The following HSF2BP variants were observed in gnomAD, a reference collection of about 807,000 sequenced individuals.
HSF2BP encodes the protein heat shock factor 2-binding protein.
HSF2BP carries 35 observed loss-of-function variants against 35.0 expected under a neutral mutation model. The observed-to-expected ratio is 1.00, with a 90% CI of 0.76 to 1.32. The LOEUF is 1.32. HSF2BP is among the 40% of genes most tolerant of loss of function. The pLI is 0.00. For synonymous variants in HSF2BP, 114 were observed against 117.4 expected, an observed-to-expected ratio of 0.97 and a Z score of 0.18; for missense variants, 326 against 321.7, an observed-to-expected ratio of 1.01 and a Z score of -0.10.
chr21:43,615,330 A>C (rs961623058), intron 6 of HSF2BP, among the ~76,000 whole-genome samples: 9 of 152,224 alleles, frequency 5.9e-5, no homozygotes, highest in Non-Finnish European at 1.5e-5. Flanking sequence ...AGTTTAAAGA[A>C]GTCTTCTTCT....
chr21:43,594,679 G>A (rs896153541), intron 7 of HSF2BP, among the ~76,000 whole-genome samples: 1 of 151,872 alleles, frequency 6.6e-6, no homozygotes, highest in African/African-American at 2.4e-5. Flanking sequence ...GAAAAGAGAA[G>A]AAGGGAGAGA....
chr21:43,644,723 T>C (rs2082686083), intron 3 of HSF2BP, among the ~76,000 whole-genome samples: 1 of 152,238 alleles, frequency 6.6e-6, no homozygotes, highest in Non-Finnish European at 1.5e-5. Context: ...GAAGCCCGAC[T>C]GTCTCATGGC....
At chr21:43,608,856 C>G (rs2082168154) in intron 7 of HSF2BP, among the ~76,000 whole-genome samples, 1 of 112,554 alleles carries the variant, frequency 8.9e-6, no homozygotes. Flanking sequence ...GCCTGTAATC[C>G]CAAGTACTTG....
chr21:43,588,400 T>TAAATAAATAAATA (rs1043016789), intron 8 of HSF2BP, among the ~76,000 whole-genome samples: 6 of 151,844 alleles, frequency 4.0e-5, no homozygotes, highest in African/African-American at 1.5e-4. Flanking sequence ...AATAAATAAA[T>TAAATAAATAAATA]AAGAAGTCAT....
At chr21:43,650,697 G>A (rs1601728918) in intron 3 of HSF2BP, among the ~76,000 whole-genome samples, 1 of 147,062 alleles carries the variant, frequency 6.8e-6, no homozygotes, top group South Asian at 2.1e-4. Context: ...GTGTTTTCAG[G>A]CTTGCTTTTT....
At chr21:43,647,962 A>G (rs2082731854) in intron 3 of HSF2BP, among the ~76,000 whole-genome samples, 1 of 151,652 alleles carries the variant, frequency 6.6e-6, no homozygotes. Flanking sequence ...ACTAAAATCA[A>G]TCTTGCTGAA....
intron 3 of HSF2BP, among the ~76,000 whole-genome samples, chr21:43,644,947 C>T (rs2082689043): frequency 6.6e-6 from 1 of 152,076 alleles, no homozygotes; most frequent in African/African-American, 2.4e-5. Flanking sequence ...TCCTCTCCAC[C>T]GCACTCATTT....
intron 8 of HSF2BP, among the ~76,000 whole-genome samples, chr21:43,579,099 C>G (rs2081685963): frequency 6.6e-6 from 1 of 152,168 alleles, no homozygotes; most frequent in African/African-American, 2.4e-5. Context: ...CTTTTGACAT[C>G]TGAATAGAAA....
At chr21:43,595,159 G>A (rs1276451272) in intron 7 of HSF2BP, among the ~76,000 whole-genome samples, 1 of 152,168 alleles carries the variant, frequency 6.6e-6, no homozygotes, top group Non-Finnish European at 1.5e-5. Context: ...CTACTAGAGA[G>A]GCTGAGGCAG....
chr21:43,585,850 T>C lies in HSF2BP; in HGVS notation c.796+6375A>G, dbSNP rs560159527. 2.0e-5 allele frequency among the ~76,000 whole-genome samples: 3 copies of C among 152,202 alleles called. No homozygotes were observed. The South Asian group carries it at 6.2e-4, about 32-fold the overall frequency. On this transcript the variant is annotated intron_variant, in intron 8 of 8. Transcript: ENST00000291560. ...GAATTGTAATCAATAGAAATTAGAA[T>C]TTGGTGTGAGGGAAGATTAGGGGTT...
At chr21:43,656,837 G>T in intron 2 of HSF2BP, 100 bp from the exon 3 acceptor site, 2 of 955,864 alleles carry the variant, frequency 2.1e-6, no homozygotes, top group Non-Finnish European at 3.2e-6. Context: ...TATGTGCATC[G>T]TTGTTTCAAA....
At chr21:43,639,024 CA>C (rs982710676) in intron 4 of HSF2BP, among the ~76,000 whole-genome samples, 22 of 152,132 alleles carry the variant, frequency 1.4e-4, no homozygotes, top group African/African-American at 5.3e-4. Flanking sequence ...GACAATGGTG[CA>C]AAAGCAATTC....
chr21:43,591,695 A>G (rs2081927497), intron 8 of HSF2BP, among the ~76,000 whole-genome samples: 1 of 152,248 alleles, frequency 6.6e-6, no homozygotes, highest in South Asian at 2.1e-4. Context: ...AGTTTCACTT[A>G]GCCAGTCAAC....
chr21:43,650,655 C>CTACCT (rs1005804675), intron 3 of HSF2BP, among the ~76,000 whole-genome samples: 2 of 150,440 alleles, frequency 1.3e-5, no homozygotes, highest in African/African-American at 2.4e-5. Flanking sequence ...TTAAGTGCCA[C>CTACCT]TACCTTAACA....
rs934520007 is a variant in HSF2BP at position 43,609,444 on chromosome 21, A to AT, written c.692+4385dup. ...CCCTGAATCTAAAATTTAAATTTAA[A>AT]TTTTTTTAAAAAATGGGCAACTAGG... On this transcript the variant is annotated intron_variant, in intron 7 of 8. Transcript: ENST00000291560. Among the ~76,000 whole-genome samples, 234 of 151,944 alleles carry AT rather than the reference A, an allele frequency of 1.5e-3. 2 individuals are homozygous for AT. Among genetic ancestry groups the AT allele is most frequent in the African/African-American group, 5.4e-3 (222 of 41,460 alleles).
chr21:43,589,505 A>G (rs2081899697), intron 8 of HSF2BP, among the ~76,000 whole-genome samples: 1 of 152,236 alleles, frequency 6.6e-6, no homozygotes, highest in South Asian at 2.1e-4. Context: ...GCAAGTGACG[A>G]GCTGATTTTT....
In HSF2BP at chr21:43,613,941, GCAA is replaced by G; in HGVS notation, c.578_580del (p.Val193del). 1.2e-6 allele frequency: 2 copies of G among 1,601,780 alleles called. No individual in the cohort carries two copies. The highest frequency in any genetic ancestry group is 2.2e-5 in the South Asian group (2 of 89,564). On this transcript the variant is annotated inframe_deletion, in exon 7 of 9. Transcript: ENST00000291560. ...GAATTCACGACCACATGCTATAGCAGCAACATCTGCAACAGAAAATGAAACAAA... is the reference window on the plus strand; with the variant it reads ...GAATTCACGACCACATGCTATAGCAGCATCTGCAACAGAAAATGAAACAAA...
At chr21:43,604,495 C>G (rs1031208494) in intron 7 of HSF2BP, among the ~76,000 whole-genome samples, 2 of 112,848 alleles carry the variant, frequency 1.8e-5, no homozygotes, top group Non-Finnish European at 3.7e-5. Context: ...CACACACACA[C>G]CACACACTAC....
chr21:43,467,758 CCACACACCA>C, the HSF2BP span, among the ~76,000 whole-genome samples: 1 of 42,102 alleles, frequency 2.4e-5, no homozygotes, highest in South Asian at 7.5e-4. Context: ...CACCACACAC[CCACACACCA>C]CACACACCAC....
Sources: allele counts gnomAD v4.1 joint callset (sites outside exome capture counted in the v4.1 genomes callset), GRCh38; gene constraint gnomAD v4.1.1; transcripts MANE v1.5; gene names NCBI Gene and HGNC (gene_info 2026-07-23, HGNC 2026-07-21).